Variants in CUBN observed in about 807,000 individuals in gnomAD.
CUBN encodes cubilin.
In CUBN, 282 loss-of-function variants were observed where a neutral mutation model predicts 405.3. That is an observed-to-expected ratio of 0.70 (90% CI 0.63 to 0.77). CUBN has a LOEUF of 0.77. Among genes scored for constraint, CUBN ranks in the 30% least tolerant of loss-of-function variants. CUBN has a pLI of 0.00. For synonymous variants in CUBN, 1,684 were observed against 1,617.0 expected (o/e 1.04, Z -0.99); for missense variants, 4,514 against 4,475.2 (o/e 1.01, Z -0.25).
rs553104375 is a variant in CUBN at position 16,834,151 on chromosome 10, A to G, written c.10362+863T>C. Among the ~76,000 whole-genome samples, 4 of 152,288 alleles carry G rather than the reference A, an allele frequency of 2.6e-5. No individual in the cohort carries two copies. In the South Asian group the frequency reaches 8.3e-4, roughly 32 times the overall value. ...CCGTGAGCTCTGGGGTTTTTCTGGC[A>G]AAACACAGGGGCTGAGTTCCACACA... is the stretch of plus-strand genomic sequence containing the variant. On this transcript the variant is annotated intron_variant, in intron 64 of 66. Coordinates refer to ENST00000377833, the MANE Select transcript of CUBN (RefSeq NM_001081.4).
Position 17,104,532 on chromosome 10 carries a change from T to G in CUBN, c.1304A>C (p.Glu435Ala). Residue 435 changes from glutamate to alanine, a missense_variant, in exon 12 of 67, where the codon GAG becomes GCG. Coordinates refer to ENST00000377833, the MANE Select transcript of CUBN (RefSeq NM_001081.4). ...TGVNCTENIN[E>A]CLSNPCLNGG... Reference sequence around the variant, plus strand: ...ATTCAAACAGGGGTTGCTCAAACACTCATTGATGTTTTCTGTACAGTTGAC... The same window carrying G: ...ATTCAAACAGGGGTTGCTCAAACACGCATTGATGTTTTCTGTACAGTTGAC... 6.2e-7 allele frequency: 1 copy of G among 1,613,790 alleles called. No homozygotes were observed. Among genetic ancestry groups the G allele is most frequent in the Non-Finnish European group, 8.5e-7 (1 of 1,179,938 alleles).
At chr10:16,969,705 C>G (rs1271369281) in intron 31 of CUBN, among the ~76,000 whole-genome samples, 4 of 152,006 alleles carry the variant, frequency 2.6e-5, no homozygotes, top group African/African-American at 9.7e-5. Context: ...CGAATTTTGC[C>G]TTTGTTTCCA....
intron 6 of CUBN, among the ~76,000 whole-genome samples, chr10:17,118,513 T>C (rs140355005): frequency 2.0e-4 from 30 of 152,294 alleles, no homozygotes; most frequent in African/African-American, 7.0e-4. Flanking sequence ...CTCGGCTCAC[T>C]GCAACATCTG....
At chr10:17,061,356 C>T (rs1329242548) in intron 22 of CUBN, among the ~76,000 whole-genome samples, 1 of 152,164 alleles carries the variant, frequency 6.6e-6, no homozygotes, top group Non-Finnish European at 1.5e-5. Context: ...CACCCTAGAC[C>T]TATTTTAATC....
intron 29 of CUBN, among the ~76,000 whole-genome samples, chr10:16,988,846 G>C (rs1833501546): frequency 6.6e-6 from 1 of 152,136 alleles, no homozygotes; most frequent in Non-Finnish European, 1.5e-5. Context: ...TCATGGAAAA[G>C]CCCATTAATC....
chr10:17,109,824 A>G (rs1836728654), intron 9 of CUBN, 89 bp from the exon 10 acceptor site: 1 of 977,294 alleles, frequency 1.0e-6, no homozygotes. Context: ...CATGAAATGG[A>G]CCAATCAGGG....
At chr10:17,002,914 C>T (rs1323011711) in intron 28 of CUBN, among the ~76,000 whole-genome samples, 2 of 152,174 alleles carry the variant, frequency 1.3e-5, no homozygotes, top group Non-Finnish European at 2.9e-5. Flanking sequence ...GACTCAGTAT[C>T]ACGATGCAGA....
chr10:17,100,754 C>T (rs1360202841), intron 13 of CUBN, among the ~76,000 whole-genome samples: 1 of 152,154 alleles, frequency 6.6e-6, no homozygotes, highest in East Asian at 1.9e-4. Context: ...GACCGACACG[C>T]TCAGGTGTGG....
At chr10:17,042,271 G>T (rs995031015) in intron 26 of CUBN, among the ~76,000 whole-genome samples, 7 of 152,210 alleles carry the variant, frequency 4.6e-5, no homozygotes, top group Admixed American at 1.3e-4. Context: ...TATTGTTTTA[G>T]AAGACTGTGA....
chr10:16,889,911 T>G (rs183978290), intron 55 of CUBN, among the ~76,000 whole-genome samples: 96 of 115,528 alleles, frequency 8.3e-4, no homozygotes, highest in African/African-American at 4.2e-3. Flanking sequence ...CACTCCAGCC[T>G]GGCGACAGAG....
chr10:17,083,013 A>C (rs777159217), intron 17 of CUBN, among the ~76,000 whole-genome samples: 2 of 151,930 alleles, frequency 1.3e-5, no homozygotes, highest in Non-Finnish European at 2.9e-5. Context: ...TACAGGAAGC[A>C]CTCTCTAATT....
intron 28 of CUBN, among the ~76,000 whole-genome samples, chr10:17,007,261 A>G (rs1048831629): frequency 7.0e-6 from 1 of 143,452 alleles, no homozygotes; most frequent in South Asian, 2.2e-4. Context: ...GCTGAATACC[A>G]TGAACCGATT....
intron 6 of CUBN, among the ~76,000 whole-genome samples, chr10:17,120,384 A>T (rs762125518): frequency 6.6e-5 from 10 of 152,230 alleles, no homozygotes; most frequent in Non-Finnish European, 5.9e-5. Context: ...TTCAGAAACT[A>T]TTCCCATATC....
At position 17,071,827 on chromosome 10, in the gene CUBN, C is replaced by T. The variant is rs747909937; in HGVS notation, c.2446G>A (p.Ala816Thr). The stretch of plus-strand genomic sequence containing the variant: ...ATTTAAAAATTATATGTTTCCTTAC[C>T]GACTTGATAAACAGCTCTGAAACTA... ...KASFRAVYQVACGDELTGEGV... is the reference protein window; with the variant it reads ...KASFRAVYQVTCGDELTGEGV... The change falls in exon 18 of 67, where the codon GCT (alanine) becomes ACT (threonine). Residue 816 changes from alanine (A) to threonine (T), a missense_variant and splice_region_variant. Ala to Thr is a moderately conservative substitution (Grantham distance 58, BLOSUM62 0). Transcript: ENST00000377833. The T allele has an allele frequency of 6.2e-6, 10 of 1,611,520 alleles. No homozygotes were observed. Among genetic ancestry groups the T allele is most frequent in the Admixed American group, 1.7e-5 (1 of 59,934 alleles).
At chr10:16,892,861 C>T (rs956042390) in intron 54 of CUBN, among the ~76,000 whole-genome samples, 2 of 152,082 alleles carry the variant, frequency 1.3e-5, no homozygotes, top group South Asian at 2.1e-4. Context: ...TAATAAAGAG[C>T]CTCAAGTTCT....
intron 40 of CUBN, among the ~76,000 whole-genome samples, chr10:16,932,150 T>G (rs142108971): frequency 1.2e-3 from 180 of 152,294 alleles, no homozygotes; most frequent in African/African-American, 4.1e-3. Flanking sequence ...GAGTCTCTAC[T>G]TAGTGTTCTG....
intron 14 of CUBN, among the ~76,000 whole-genome samples, chr10:17,096,146 G>C (rs1392023454): frequency 2.6e-5 from 4 of 151,984 alleles, no homozygotes; most frequent in Middle Eastern, 3.2e-3. Flanking sequence ...GGGGGCAATA[G>C]GGAAATGTTG....
At chr10:16,977,747 C>G (rs916988571) in intron 31 of CUBN, among the ~76,000 whole-genome samples, 3 of 152,148 alleles carry the variant, frequency 2.0e-5, no homozygotes, top group African/African-American at 7.2e-5. Context: ...TTGTAGGCAC[C>G]CACCCCTAGA....
intron 12 of CUBN, among the ~76,000 whole-genome samples, chr10:17,104,158 T>C (rs889831410): frequency 1.7e-4 from 26 of 152,200 alleles, no homozygotes; most frequent in Non-Finnish European, 2.9e-4. Flanking sequence ...CCTTAGCATG[T>C]TTTATATTCA....
Sources: gnomAD v4.1 joint callset for allele counts (sites outside exome capture counted in the v4.1 genomes callset) on GRCh38, gnomAD v4.1.1 for gene constraint, MANE v1.5 for transcripts, NCBI Gene and HGNC (gene_info 2026-07-23, HGNC 2026-07-21) for gene names.